ROBO1: variants seen among roughly 807,000 people sequenced by gnomAD.
ROBO1 encodes roundabout guidance receptor 1.
A neutral mutation model predicts 195.9 loss-of-function variants in ROBO1; 149 were observed. The ratio of observed to expected loss-of-function variants is 0.76; its 90% CI spans 0.67 to 0.87. ROBO1 has a LOEUF of 0.87. ROBO1 is among the 40% of genes least tolerant of loss of function. The pLI, the probability that ROBO1 is intolerant of heterozygous loss-of-function variation, is 0.00. For missense variants in ROBO1, 1,933 were observed against 2,068.3 expected (o/e 0.93, Z 1.27); for synonymous variants, 816 against 733.2 (o/e 1.11, Z -1.82).
chr3:79,505,326 TAGAG>T (rs750775714), intron 2 of ROBO1, among the ~76,000 whole-genome samples: 54 of 151,724 alleles, frequency 3.6e-4, no homozygotes, highest in Non-Finnish European at 7.1e-4. Flanking sequence ...TGAGGAAGGA[TAGAG>T]AGAGAAAGAG....
intron 1 of ROBO1, among the ~76,000 whole-genome samples, chr3:79,657,901 C>T (rs976072676): frequency 6.6e-6 from 1 of 151,964 alleles, no homozygotes; most frequent in Non-Finnish European, 1.5e-5. Flanking sequence ...AGTAAGCCAG[C>T]ACACTCTCTA....
rs574426475 is a variant in ROBO1 at position 79,343,159 on chromosome 3, C to T, written c.89-217620G>A. Among the ~76,000 whole-genome samples, 7 of 152,224 alleles carry T rather than the reference C, an allele frequency of 4.6e-5. No individual in the cohort carries two copies. In the South Asian group the frequency reaches 6.2e-4, roughly 14 times the overall value. On this transcript the variant is annotated intron_variant, in intron 2 of 30. Coordinates refer to ENST00000464233, the MANE Select transcript of ROBO1 (RefSeq NM_002941.4). ...GTAACATGAATTTAAGTTTCTTCCA[C>T]GTCTCTTCACAACTCATTTATTTTC...
intron 2 of ROBO1, among the ~76,000 whole-genome samples, chr3:79,420,166 T>A (rs2038169215): frequency 6.6e-6 from 1 of 152,162 alleles, no homozygotes; most frequent in Admixed American, 6.6e-5. Context: ...TTCATGAGAT[T>A]CTGCATTTTT....
chr3:79,207,237 A>G (rs964823117), intron 2 of ROBO1, among the ~76,000 whole-genome samples: 5 of 152,152 alleles, frequency 3.3e-5, no homozygotes, highest in African/African-American at 4.8e-5. Context: ...TCTCTTGCAA[A>G]CCATTTGAAA....
chr3:79,042,780 C>A (rs1207545740), intron 3 of ROBO1, among the ~76,000 whole-genome samples: 4 of 151,958 alleles, frequency 2.6e-5, no homozygotes, highest in African/African-American at 9.7e-5. Context: ...CTAAAATGAG[C>A]AAATCAACTC....
At chr3:79,722,925 G>A (rs992163426) in intron 1 of ROBO1, among the ~76,000 whole-genome samples, 17 of 152,240 alleles carry the variant, frequency 1.1e-4, no homozygotes, top group African/African-American at 2.9e-4. Flanking sequence ...GTGACTTTAC[G>A]TATAATCCTC....
intron 3 of ROBO1, among the ~76,000 whole-genome samples, chr3:78,940,565 G>A (rs1249578487): frequency 6.6e-6 from 1 of 152,180 alleles, no homozygotes. Context: ...CCTGCAACAT[G>A]ATTTATGCCT....
At chr3:78,768,409 AT>A (rs1445279476) in intron 4 of ROBO1, among the ~76,000 whole-genome samples, 17 of 152,154 alleles carry the variant, frequency 1.1e-4, no homozygotes, top group African/African-American at 2.9e-4. Flanking sequence ...CTTTAAAAAA[AT>A]ATATGTTCCT....
intron 3 of ROBO1, among the ~76,000 whole-genome samples, chr3:79,087,550 TCTTC>T (rs1407274820): frequency 2.3e-4 from 35 of 151,772 alleles, no homozygotes; most frequent in South Asian, 1.2e-3. Context: ...TTTCCTTCCT[TCTTC>T]CTTCCTTCAT....
chr3:79,538,848 A>AT (rs1173622288), intron 2 of ROBO1, among the ~76,000 whole-genome samples: 1 of 152,120 alleles, frequency 6.6e-6, no homozygotes, highest in African/African-American at 2.4e-5. Context: ...GTTAAATTTT[A>AT]TTTTTTGTAA....
At chr3:78,734,900 A>G (rs971392428) in intron 5 of ROBO1, among the ~76,000 whole-genome samples, 2 of 152,134 alleles carry the variant, frequency 1.3e-5, no homozygotes, top group African/African-American at 2.4e-5. Flanking sequence ...CACCCCGACT[A>G]TGGTCCTGGA....
intron 2 of ROBO1, among the ~76,000 whole-genome samples, chr3:79,309,340 G>T (rs971052104): frequency 5.3e-5 from 8 of 152,138 alleles, no homozygotes; most frequent in African/African-American, 1.9e-4. Flanking sequence ...AGGCCAAGGT[G>T]GGCAGAAGGC....
At chr3:79,143,944 A>G (rs2080588784) in intron 2 of ROBO1, among the ~76,000 whole-genome samples, 1 of 151,682 alleles carries the variant, frequency 6.6e-6, no homozygotes, top group African/African-American at 2.4e-5. Flanking sequence ...ATCATACAGT[A>G]CGTAACTTTT....
At chr3:79,281,317 G>T (rs900911279) in intron 2 of ROBO1, among the ~76,000 whole-genome samples, 6 of 146,560 alleles carry the variant, frequency 4.1e-5, no homozygotes, top group East Asian at 1.9e-4. Flanking sequence ...TTGATTGATT[G>T]ATTTATTATT....
At chr3:79,620,412 C>G (rs560654828) in intron 1 of ROBO1, among the ~76,000 whole-genome samples, 46 of 152,276 alleles carry the variant, frequency 3.0e-4, no homozygotes, top group Middle Eastern at 3.4e-3. Flanking sequence ...CTCCACATTA[C>G]CTTCTTTTCA....
chr3:78,792,640 G>A lies in ROBO1; in HGVS notation c.500-45740C>T, dbSNP rs540509219. Among the ~76,000 whole-genome samples the A allele has an allele frequency of 2.1e-4, 32 of 152,216 alleles. No individual in the cohort carries two copies. The East Asian group carries it at 3.7e-3, about 17-fold the overall frequency. ...TCCATCCAGGACAAATCCCACAGTC[G>A]CCTCACTTTCCTTCTCTCAACATTT... On this transcript the variant is annotated intron_variant, in intron 4 of 30. Coordinates refer to ENST00000464233, the MANE Select transcript of ROBO1 (RefSeq NM_002941.4).
chr3:79,678,807 C>A (rs1946859945), intron 1 of ROBO1, among the ~76,000 whole-genome samples: 1 of 151,984 alleles, frequency 6.6e-6, no homozygotes, highest in Admixed American at 6.6e-5. Flanking sequence ...CTGCTTAGTT[C>A]TAATGTGAGG....
intron 2 of ROBO1, among the ~76,000 whole-genome samples, chr3:79,221,601 T>C (rs898999131): frequency 1.3e-5 from 2 of 152,132 alleles, no homozygotes; most frequent in Non-Finnish European, 2.9e-5. Context: ...TATATTTAAA[T>C]TCAACAATGG....
chr3:79,212,488 T>G (rs538243683), intron 2 of ROBO1, among the ~76,000 whole-genome samples: 1 of 152,180 alleles, frequency 6.6e-6, no homozygotes, highest in Non-Finnish European at 1.5e-5. Context: ...ACTGTCTTTT[T>G]TAGTGAATAA....
Sources: gnomAD v4.1 joint callset for allele counts (sites outside exome capture counted in the v4.1 genomes callset) on GRCh38, gnomAD v4.1.1 for gene constraint, MANE v1.5 for transcripts, NCBI Gene and HGNC (gene_info 2026-07-23, HGNC 2026-07-21) for gene names.